Variants in ZMIZ1 observed in about 807,000 individuals in gnomAD.
ZMIZ1 encodes zinc finger MIZ-type containing 1.
A neutral mutation model predicts 113.9 loss-of-function variants in ZMIZ1; 17 were observed. That is an observed-to-expected ratio of 0.15 (90% CI 0.10 to 0.22). ZMIZ1 has a LOEUF of 0.22. Ranked by LOEUF, ZMIZ1 falls within the 10% of genes least tolerant of loss-of-function variation. The probability of loss-of-function intolerance (pLI) is 1.00; values close to 1 mark genes in which losing one functional copy is unlikely to be tolerated. For synonymous variants in ZMIZ1, 607 were observed against 603.1 expected (o/e 1.01, Z -0.09); for missense variants, 1,059 against 1,477.8 (o/e 0.72, Z 4.65).
chr10:79,204,463 C>T (rs1459193707), intron 5 of ZMIZ1, among the ~76,000 whole-genome samples: 1 of 152,190 alleles, frequency 6.6e-6, no homozygotes, highest in African/African-American at 2.4e-5. Flanking sequence ...TGCCCTGAAC[C>T]CCAGGGGCCC....
intron 12 of ZMIZ1, chr10:79,295,032 C>T (rs1226544841): frequency 6.6e-6 from 1 of 152,046 alleles, no homozygotes. Flanking sequence ...AGGGAGGGGC[C>T]AGAGAAGGAC....
rs56903717 is a variant in ZMIZ1 at position 79,240,638 on chromosome 10, C to CTTTTTTTTTTTTTTT, written c.280+24377_280+24391dup. 3.8e-4 allele frequency among the ~76,000 whole-genome samples: 21 copies of CTTTTTTTTTTTTTTT among 55,322 alleles called. 4 individuals carry two copies. The highest frequency in any genetic ancestry group is 1.2e-3 in the African/African-American group (14 of 11,988). 36.3% of individuals were successfully genotyped at this position (55,322 alleles called of 152,430 possible). On this transcript the variant is annotated intron_variant, in intron 7 of 24. Transcript: ENST00000334512. ...CGTAAATCTAGTGAAGAGTATTTAT[C>CTTTTTTTTTTTTTTT]TTTTTTTTTTTTTTTTTTTTTTTTT...
intron 7 of ZMIZ1, among the ~76,000 whole-genome samples, chr10:79,221,063 T>A (rs143271538): frequency 4.0e-4 from 61 of 152,268 alleles, no homozygotes; most frequent in African/African-American, 1.4e-3. Flanking sequence ...TCTGCATGCA[T>A]GTTATCTGTG....
chr10:79,279,849 G>GCA (rs1376306836), intron 8 of ZMIZ1, among the ~76,000 whole-genome samples: 1 of 152,162 alleles, frequency 6.6e-6, no homozygotes, highest in Admixed American at 6.5e-5. Context: ...GCAATCCCAG[G>GCA]CACTCGGCAG....
intron 6 of ZMIZ1, among the ~76,000 whole-genome samples, chr10:79,213,830 C>G (rs1848617216): frequency 6.6e-6 from 1 of 152,192 alleles, no homozygotes; most frequent in Non-Finnish European, 1.5e-5. Flanking sequence ...CAACCTCTTT[C>G]CTCATCTGTA....
chr10:79,116,345 A>T (rs1844030211), intron 1 of ZMIZ1, among the ~76,000 whole-genome samples: 2 of 151,922 alleles, frequency 1.3e-5, no homozygotes, highest in African/African-American at 4.8e-5. Context: ...CTGCTTGGAG[A>T]ACTCCGAGAG....
intron 4 of ZMIZ1, among the ~76,000 whole-genome samples, chr10:79,190,679 G>C (rs998198875): frequency 2.0e-5 from 3 of 152,160 alleles, no homozygotes; most frequent in Admixed American, 6.5e-5. Flanking sequence ...CCCCTGTGTG[G>C]CTAGGTAGAA....
chr10:79,069,639 A>AGGAG lies in ZMIZ1; in HGVS notation c.-337+377_-337+380dup, dbSNP rs1351762203. ...GGGGCCGGGCAGGACCGGGAATCGG[A>AGGAG]GGAGGGAGGGAAGGACCGCCTCGGT... On this transcript the variant is annotated intron_variant, in intron 1 of 24. Transcript: ENST00000334512. This position sits in a 1 kb window ranked among gnomAD's most constrained non-coding sequence, Gnocchi z 4.6. Among the ~76,000 whole-genome samples, 1 of 151,506 alleles carries AGGAG rather than the reference A, an allele frequency of 6.6e-6. No individual in the cohort carries two copies. The highest frequency in any genetic ancestry group is 1.5e-5 in the Non-Finnish European group (1 of 67,832).
intron 13 of ZMIZ1, 79 bp from the exon 14 acceptor site, chr10:79,297,534 A>G: frequency 1.6e-6 from 2 of 1,279,636 alleles, no homozygotes; most frequent in Non-Finnish European, 2.3e-6. Flanking sequence ...CTCCTGGTAG[A>G]TTTTACTGTC....
intron 2 of ZMIZ1, among the ~76,000 whole-genome samples, chr10:79,137,113 C>T (rs928104405): frequency 6.6e-6 from 1 of 152,124 alleles, no homozygotes; most frequent in African/African-American, 2.4e-5. Context: ...TTGTATAAGC[C>T]TCAGGCCCTG....
At chr10:79,239,792 T>C (rs1849733551) in intron 7 of ZMIZ1, among the ~76,000 whole-genome samples, 1 of 152,124 alleles carries the variant, frequency 6.6e-6, no homozygotes. Context: ...TGGGTAATGC[T>C]GGGACAGGAT....
rs1053037075 is a variant in ZMIZ1, at chr10:79,221,362, C to T, written c.280+5088C>T. Among the ~76,000 whole-genome samples the T allele has an allele frequency of 4.6e-5, 7 of 152,340 alleles. No individual in the cohort carries two copies. The South Asian group carries it at 1.2e-3, about 27-fold the overall frequency. On this transcript the variant is annotated intron_variant, in intron 7 of 24. Coordinates refer to ENST00000334512, the MANE Select transcript of ZMIZ1 (RefSeq NM_020338.4). Reference sequence around the variant, plus strand: ...CAGCCGCCAGGCAGGCGGCTCCACGCGGCCCTGGACGCCCAGCCCCCAGCT... The same window carrying T: ...CAGCCGCCAGGCAGGCGGCTCCACGTGGCCCTGGACGCCCAGCCCCCAGCT...
At chr10:79,276,202 A>C (rs1284871946) in intron 7 of ZMIZ1, among the ~76,000 whole-genome samples, 1 of 152,136 alleles carries the variant, frequency 6.6e-6, no homozygotes, top group Non-Finnish European at 1.5e-5. Context: ...TGAGGCCCAG[A>C]GAGTCTGTGG....
intron 1 of ZMIZ1, among the ~76,000 whole-genome samples, chr10:79,096,516 GAAAAGA>G (rs1843175819): frequency 2.0e-5 from 3 of 148,048 alleles, no homozygotes; most frequent in Non-Finnish European, 4.6e-5. Context: ...CGTCTCAAAA[GAAAAGA>G]AAAGAAAAGA....
intron 7 of ZMIZ1, among the ~76,000 whole-genome samples, chr10:79,269,456 A>AACACACACACAC (rs55634343): frequency 0.048 from 6,660 of 138,394 alleles, 350 homozygotes; most frequent in East Asian, 0.16. Context: ...ACCTCCCCCC[A>AACACACACACAC]ACACACACAC....
chr10:79,310,842 G>A, intron 23 of ZMIZ1, 82 bp from the exon 24 acceptor site: 2 of 1,473,778 alleles, frequency 1.4e-6, no homozygotes, highest in Non-Finnish European at 1.8e-6. Context: ...CCCTGGTTGT[G>A]TTGGGTTTCA....
intron 7 of ZMIZ1, among the ~76,000 whole-genome samples, chr10:79,243,033 C>T (rs891104031): frequency 6.6e-6 from 1 of 151,264 alleles, no homozygotes; most frequent in Non-Finnish European, 1.5e-5. Context: ...GCGGGGAGGG[C>T]GCGCGCGAGC....
intron 1 of ZMIZ1, among the ~76,000 whole-genome samples, chr10:79,108,042 A>G (rs73298160): frequency 0.011 from 1,696 of 152,176 alleles, 29 homozygotes; most frequent in African/African-American, 0.038. Context: ...CAACACAGTC[A>G]CCAGTGATCT....
At chr10:79,074,805 A>G (rs4980021) in intron 1 of ZMIZ1, among the ~76,000 whole-genome samples, 88,136 of 152,138 alleles carry the variant, frequency 0.58, 25,892 homozygotes, top group African/African-American at 0.64. Context: ...GGTTCAGGCC[A>G]GGGAGCAGCC....
Sources: allele counts gnomAD v4.1 joint callset (sites outside exome capture counted in the v4.1 genomes callset), GRCh38; gene constraint gnomAD v4.1.1; non-coding constraint Gnocchi (gnomAD v3.1); transcripts MANE v1.5; gene names NCBI Gene and HGNC (gene_info 2026-07-23, HGNC 2026-07-21).